TMEM161B: variants seen among roughly 807,000 people sequenced by gnomAD.
TMEM161B encodes transmembrane protein 161B.
Under a neutral mutation model 61.8 loss-of-function variants are expected in TMEM161B, and 34 were observed. The ratio of observed to expected loss-of-function variants is 0.55; its 90% confidence interval spans 0.42 to 0.73. The LOEUF (loss-of-function observed/expected upper bound fraction) is 0.73, where lower values mean the gene tolerates loss of function less well. Among genes scored for constraint, TMEM161B ranks in the 30% least tolerant of loss-of-function variants. The pLI, the probability that TMEM161B is intolerant of heterozygous loss-of-function variation, is 0.00. For synonymous variants in TMEM161B, 167 were observed against 192.8 expected (o/e 0.87, Z 1.11); for missense variants, 456 against 558.5 (o/e 0.82, Z 1.85).
chr5:88,265,604 G>T (rs981410750), intron 1 of TMEM161B, among the ~76,000 whole-genome samples: 1 of 152,120 alleles, frequency 6.6e-6, no homozygotes, highest in Admixed American at 6.5e-5. Flanking sequence ...AGTCCCAGGG[G>T]TTGGGAACCT....
chr5:88,261,666 T>C (rs1435819289), intron 1 of TMEM161B, among the ~76,000 whole-genome samples: 1 of 100,106 alleles, frequency 1.0e-5, no homozygotes, highest in Non-Finnish European at 1.9e-5. Flanking sequence ...GGCAATACAA[T>C]GGAGAAAAAA....
At chr5:88,202,891 G>A (rs1208425604) in intron 9 of TMEM161B, 71 bp downstream of exon 9, 22 of 1,009,278 alleles carry the variant, frequency 2.2e-5, no homozygotes, top group African/African-American at 4.7e-5. Context: ...CACTGAAAAC[G>A]AAATACAGTA....
intron 2 of TMEM161B, among the ~76,000 whole-genome samples, chr5:88,234,821 T>C (rs921462475): frequency 3.9e-5 from 6 of 152,064 alleles, no homozygotes; most frequent in Admixed American, 1.3e-4. Flanking sequence ...TCCCAACACG[T>C]TGGGAGGCTA....
At chr5:88,244,393 T>C (rs780401) in intron 1 of TMEM161B, among the ~76,000 whole-genome samples, 112,028 of 151,674 alleles carry the variant, frequency 0.74, 41,463 homozygotes, top group South Asian at 0.77. Flanking sequence ...GTGCAGGAAA[T>C]CTTTCCCCAT....
Position 88,196,132 on chromosome 5 carries a change from TGG to T in TMEM161B, c.*77_*78del. The stretch of plus-strand genomic sequence containing the variant: ...TTTTCCCATTGTATTTGCTTTCTTC[TGG>T]TTTTCATCAGCCCTTTAAGGGCACA... On this transcript the variant is annotated 3_prime_UTR_variant, in exon 12 of 12. Transcript: ENST00000296595. The T allele has an allele frequency of 6.6e-7, 1 of 1,505,230 alleles. No individual in the cohort carries two copies. The highest frequency in any genetic ancestry group is 1.4e-5 in the South Asian group (1 of 71,936). 93.2% of individuals were successfully genotyped at this position (1,505,230 alleles called of 1,614,324 possible).
At position 88,196,027 on chromosome 5, in the gene TMEM161B, T is replaced by G; in HGVS notation, c.*184A>C. ...GTGTAACAGTTAACAATCTATTTTG[T>G]AATTTTAAATATTACTACATTAATT... On this transcript the variant is annotated 3_prime_UTR_variant, in exon 12 of 12. Coordinates refer to ENST00000296595, the MANE Select transcript of TMEM161B (RefSeq NM_153354.5). The G allele has an allele frequency of 7.2e-7, 1 of 1,382,940 alleles. No individual in the cohort carries two copies. Among genetic ancestry groups the G allele is most frequent in the Non-Finnish European group, 9.3e-7 (1 of 1,073,174 alleles). The allele number at this position is 1,382,940 out of a possible 1,614,324, so 85.7% of individuals were successfully genotyped here.
chr5:88,246,571 T>C (rs1311461527), intron 1 of TMEM161B, among the ~76,000 whole-genome samples: 1 of 151,904 alleles, frequency 6.6e-6, no homozygotes, highest in African/African-American at 2.4e-5. Flanking sequence ...ATGTATAAAG[T>C]AGCCAGTTCA....
intron 5 of TMEM161B, among the ~76,000 whole-genome samples, chr5:88,217,046 G>T (rs1489709427): frequency 6.6e-6 from 1 of 152,158 alleles, no homozygotes; most frequent in Non-Finnish European, 1.5e-5. Flanking sequence ...CAAATACAGG[G>T]TTGATGAATG....
chr5:88,233,798 T>G (rs965728019), intron 2 of TMEM161B, among the ~76,000 whole-genome samples: 1 of 151,976 alleles, frequency 6.6e-6, no homozygotes, highest in Non-Finnish European at 1.5e-5. Context: ...ATGCTGAGTT[T>G]TAAGTACCCA....
chr5:88,191,707 C>G (rs576575845), downstream of TMEM161B, among the ~76,000 whole-genome samples: 1 of 151,840 alleles, frequency 6.6e-6, no homozygotes, highest in South Asian at 2.1e-4. Context: ...CCTGTAATCC[C>G]AGCACTTTGG....
chr5:88,209,017 G>T (rs909644103), intron 5 of TMEM161B, among the ~76,000 whole-genome samples: 1 of 152,110 alleles, frequency 6.6e-6, no homozygotes, highest in Non-Finnish European at 1.5e-5. Context: ...AATTTTGACT[G>T]CATTTTAACT....
downstream of TMEM161B, among the ~76,000 whole-genome samples, chr5:88,192,612 T>C (rs1373041380): frequency 6.6e-6 from 1 of 152,170 alleles, no homozygotes; most frequent in African/African-American, 2.4e-5. Context: ...AAAGATGAGA[T>C]GGTACAAGTA....
chr5:88,216,703 T>C (rs1747919589), intron 5 of TMEM161B, among the ~76,000 whole-genome samples: 1 of 152,202 alleles, frequency 6.6e-6, no homozygotes, highest in Non-Finnish European at 1.5e-5. Context: ...TTAAATGGTA[T>C]CCACTTAACA....
chr5:88,188,862 T>C (rs556402027), downstream of TMEM161B, among the ~76,000 whole-genome samples: 1 of 152,080 alleles, frequency 6.6e-6, no homozygotes, highest in Non-Finnish European at 1.5e-5. Flanking sequence ...TCAGGCCGGG[T>C]CATCAGTGGC....
At chr5:88,210,305 A>G (rs1471568818) in intron 5 of TMEM161B, among the ~76,000 whole-genome samples, 1 of 152,228 alleles carries the variant, frequency 6.6e-6, no homozygotes, top group South Asian at 2.1e-4. Flanking sequence ...AATGTATACA[A>G]AAACATATGG....
intron 2 of TMEM161B, among the ~76,000 whole-genome samples, chr5:88,232,342 A>C (rs1269018387): frequency 6.6e-6 from 1 of 152,226 alleles, no homozygotes; most frequent in African/African-American, 2.4e-5. Context: ...TTTAGCAAGT[A>C]GGCAAATCAC....
chr5:88,196,261 A>G lies in TMEM161B; in HGVS notation c.1414T>C (p.Ser472Pro), dbSNP rs775852120. Residue 472 changes from serine to proline, a missense_variant, in exon 12 of 12, where the codon TCT (serine) becomes CCT (proline). This residue lies in a region of TMEM161B where 367 missense variants were observed against 427.3 expected (regional missense o/e 0.86). Transcript: ENST00000296595. ...LTWWIAACLF[S>P]TSLFGLFYHQ... ...TAGAAAAGCCCAAAAAGGCTTGTAG[A>G]AAAGAGGCAAGCAGCAATCCACCAG... 1.2e-6 allele frequency: 2 copies of G among 1,612,962 alleles called. No homozygotes were observed. Among genetic ancestry groups the G allele is most frequent in the Admixed American group, 3.3e-5 (2 of 59,846 alleles).
chr5:88,236,515 T>G (rs960599677), intron 2 of TMEM161B, among the ~76,000 whole-genome samples: 1 of 152,108 alleles, frequency 6.6e-6, no homozygotes, highest in Non-Finnish European at 1.5e-5. Flanking sequence ...TACAAATCAG[T>G]GGTATATGGG....
At chr5:88,190,971 T>A (rs1203034358), downstream of TMEM161B, among the ~76,000 whole-genome samples, 1 of 152,228 alleles carries the variant, frequency 6.6e-6, no homozygotes, top group African/African-American at 2.4e-5. Context: ...TTTAACCTCA[T>A]TTATCCTTTC....
Sources: gnomAD v4.1 joint callset for allele counts (sites outside exome capture counted in the v4.1 genomes callset) on GRCh38, gnomAD v4.1.1 for gene constraint, gnomAD v4.1.1 regional missense constraint, MANE v1.5 for transcripts, NCBI Gene and HGNC (gene_info 2026-07-23, HGNC 2026-07-21) for gene names.